TMEM117: variants seen among roughly 807,000 people sequenced by gnomAD.
TMEM117 encodes transmembrane protein 117.
Under a neutral mutation model 52.4 loss-of-function variants are expected in TMEM117, and 27 were observed. The observed-to-expected ratio is 0.51, with a 90% CI of 0.38 to 0.71. The LOEUF is 0.71. TMEM117 is among the 30% of genes least tolerant of loss of function. The pLI is 0.00. For missense variants in TMEM117, 556 were observed against 630.5 expected (o/e 0.88, Z 1.26); for synonymous variants, 215 against 206.3 (o/e 1.04, Z -0.36).
intron 6 of TMEM117, among the ~76,000 whole-genome samples, chr12:44,301,137 A>G (rs1304371091): frequency 6.6e-6 from 1 of 152,216 alleles, no homozygotes; most frequent in African/African-American, 2.4e-5. Context: ...GCTTACATTC[A>G]TATATTTGAG....
chr12:44,297,381 T>G (rs925356487), intron 5 of TMEM117, among the ~76,000 whole-genome samples: 1 of 152,170 alleles, frequency 6.6e-6, no homozygotes, highest in Non-Finnish European at 1.5e-5. Context: ...ACCAATAGAA[T>G]AGACACTGGC....
chr12:43,845,093 G>A, intron 2 of TMEM117, 165 bp downstream of exon 2: 3 of 695,930 alleles, frequency 4.3e-6, no homozygotes, highest in Non-Finnish European at 6.8e-6. Flanking sequence ...ACTACTCTCT[G>A]TTAATGGTTT....
At chr12:43,971,044 G>C (rs1205393126) in intron 3 of TMEM117, among the ~76,000 whole-genome samples, 3 of 151,964 alleles carry the variant, frequency 2.0e-5, no homozygotes, top group African/African-American at 7.3e-5. Context: ...TCAACAAATA[G>C]CACAGTTATG....
the TMEM117 span, among the ~76,000 whole-genome samples, chr12:43,821,051 C>G: frequency 6.7e-6 from 1 of 149,668 alleles, no homozygotes; most frequent in Non-Finnish European, 1.5e-5. Flanking sequence ...GTCGAGATCG[C>G]GCCACTGCAC....
the TMEM117 span, chr12:43,800,362 T>C: frequency 5.8e-6 from 6 of 1,035,162 alleles, no homozygotes; most frequent in Admixed American, 1.3e-4. Context: ...TTCGTATCAA[T>C]TACCCATTAC....
chr12:43,932,423 C>T (rs1481152149), intron 2 of TMEM117, among the ~76,000 whole-genome samples: 1 of 150,796 alleles, frequency 6.6e-6, no homozygotes, highest in Non-Finnish European at 1.5e-5. Flanking sequence ...AAAGTGATTC[C>T]TGCATCCTGT....
chr12:43,859,238 C>G (rs929953151), intron 2 of TMEM117, among the ~76,000 whole-genome samples: 8 of 152,150 alleles, frequency 5.3e-5, no homozygotes, highest in Non-Finnish European at 1.2e-4. Context: ...GGGAGGAGGG[C>G]CTTCCAAGCT....
At chr12:43,808,813 A>G in the TMEM117 span, among the ~76,000 whole-genome samples, 7 of 28,988 alleles carry the variant, frequency 2.4e-4, no homozygotes, top group South Asian at 2.4e-3. Context: ...CAAAGGGGAG[A>G]AAAAAAAAAA....
chr12:43,993,844 G>A (rs1006092219), intron 3 of TMEM117, among the ~76,000 whole-genome samples: 7 of 152,060 alleles, frequency 4.6e-5, no homozygotes, highest in African/African-American at 1.7e-4. Flanking sequence ...ACAGGCATGT[G>A]CCACCCTACT....
At chr12:43,838,359 C>T (rs1264047670) in intron 1 of TMEM117, among the ~76,000 whole-genome samples, 3 of 151,844 alleles carry the variant, frequency 2.0e-5, no homozygotes, top group Non-Finnish European at 4.4e-5. Context: ...CCCACATCCC[C>T]ATACCACTAA....
chr12:44,091,692 A>G (rs961451806), intron 3 of TMEM117, among the ~76,000 whole-genome samples: 12 of 152,196 alleles, frequency 7.9e-5, no homozygotes, highest in South Asian at 4.1e-4. Flanking sequence ...GGCAGAATAC[A>G]ATCAACTTTG....
chr12:44,227,868 C>G (rs1949883305), intron 5 of TMEM117, among the ~76,000 whole-genome samples: 1 of 152,098 alleles, frequency 6.6e-6, no homozygotes, highest in African/African-American at 2.4e-5. Context: ...TTTCCCAAGG[C>G]CCAGGATAGA....
chr12:43,985,816 G>A (rs888462572), intron 3 of TMEM117, among the ~76,000 whole-genome samples: 2 of 152,140 alleles, frequency 1.3e-5, no homozygotes, highest in Admixed American at 6.6e-5. Context: ...GGCCTTGCCC[G>A]TCACTGCTAA....
chr12:43,820,312 C>T, the TMEM117 span, among the ~76,000 whole-genome samples: 4 of 151,910 alleles, frequency 2.6e-5, no homozygotes, highest in East Asian at 1.9e-4. Context: ...CTCGCTCTGT[C>T]GCCCACGCTG....
At chr12:44,106,211 T>A (rs1230678338) in intron 3 of TMEM117, among the ~76,000 whole-genome samples, 2 of 152,092 alleles carry the variant, frequency 1.3e-5, no homozygotes, top group Non-Finnish European at 2.9e-5. Context: ...TCACCTTTTT[T>A]AACTTGCTGT....
intron 2 of TMEM117, among the ~76,000 whole-genome samples, chr12:43,902,600 G>A (rs979590245): frequency 6.6e-6 from 1 of 152,126 alleles, no homozygotes; most frequent in Non-Finnish European, 1.5e-5. Flanking sequence ...CAAGGGATAG[G>A]GGTAGGAGGG....
At chr12:43,840,378 T>C (rs1224553457) in intron 1 of TMEM117, among the ~76,000 whole-genome samples, 2 of 152,246 alleles carry the variant, frequency 1.3e-5, no homozygotes, top group Admixed American at 1.3e-4. Flanking sequence ...TAGTATGTGC[T>C]TAATAAATGT....
chr12:43,990,582 T>C (rs1945922278), intron 3 of TMEM117, among the ~76,000 whole-genome samples: 1 of 152,204 alleles, frequency 6.6e-6, no homozygotes, highest in African/African-American at 2.4e-5. Flanking sequence ...TTTAATAGGA[T>C]TTGTGTGCCT....
chr12:44,354,653 T>C (rs1477401598), intron 6 of TMEM117, among the ~76,000 whole-genome samples: 3 of 151,874 alleles, frequency 2.0e-5, no homozygotes, highest in Non-Finnish European at 4.4e-5. Context: ...AAATTAGGTA[T>C]TGATGGGACG....
Sources: allele counts gnomAD v4.1 joint callset (sites outside exome capture counted in the v4.1 genomes callset), GRCh38; gene constraint gnomAD v4.1.1; transcripts MANE v1.5; gene names NCBI Gene and HGNC (gene_info 2026-07-23, HGNC 2026-07-21).